Variants in EBF2 observed in about 807,000 individuals in gnomAD.
The protein encoded by EBF2 is EBF transcription factor 2, also known as transcription factor COE2.
A neutral mutation model predicts 72.8 loss-of-function variants in EBF2; 21 were observed. That is an observed-to-expected ratio of 0.29 (90% CI 0.20 to 0.42). EBF2 has a LOEUF of 0.42. Ranked by LOEUF, EBF2 falls within the 10% of genes least tolerant of loss-of-function variation. EBF2 has a pLI of 1.00. For synonymous variants in EBF2, 299 were observed against 274.2 expected (o/e 1.09, Z -0.89); for missense variants, 637 against 731.2 (o/e 0.87, Z 1.49).
chr8:25,849,770 G>C (rs1801921775), intron 15 of EBF2, among the ~76,000 whole-genome samples: 1 of 152,082 alleles, frequency 6.6e-6, no homozygotes, highest in African/African-American at 2.4e-5. Flanking sequence ...GATAACTTTT[G>C]TTCTTAGAAA....
chr8:25,939,904 A>C (rs531376595), intron 6 of EBF2, among the ~76,000 whole-genome samples: 10 of 152,212 alleles, frequency 6.6e-5, no homozygotes, highest in South Asian at 2.1e-4. Context: ...TGAAAGTATG[A>C]TACTGCTCAA....
chr8:26,010,864 G>C (rs1346243378), intron 6 of EBF2, among the ~76,000 whole-genome samples: 1 of 152,106 alleles, frequency 6.6e-6, no homozygotes, highest in African/African-American at 2.4e-5. Context: ...ATGGATACTT[G>C]AAAGATATTG....
chr8:25,846,862 TCTGCTAGGTGGAAACTGAC>T (rs1418941972), intron 15 of EBF2, among the ~76,000 whole-genome samples: 1 of 152,164 alleles, frequency 6.6e-6, no homozygotes, highest in Non-Finnish European at 1.5e-5. Context: ...AGGCCTGATC[TCTGCTAGGTGGAAACTGAC>T]TTTTTGCTTG....
intron 2 of EBF2, 44 bp from the exon 3 acceptor site, chr8:26,041,046 C>A (rs776502695): frequency 6.2e-7 from 1 of 1,608,718 alleles, no homozygotes; most frequent in South Asian, 1.1e-5. Context: ...TTTCAGCCCC[C>A]CAAAATGAGG....
rs141266303 is a variant in EBF2 at position 25,885,075 on chromosome 8, A to G, written c.1009+1680T>C. Among the ~76,000 whole-genome samples, 199 of 152,184 alleles carry G rather than the reference A, an allele frequency of 1.3e-3. 2 individuals carry two copies. Among genetic ancestry groups the G allele is most frequent in the African/African-American group, 4.6e-3 (192 of 41,536 alleles). On this transcript the variant is annotated intron_variant, in intron 10 of 15. Coordinates refer to ENST00000520164, the MANE Select transcript of EBF2 (RefSeq NM_022659.4). ...ATCTTCCTGCTTCTGGTTGTTCCTC[A>G]GTTAACTCAGTCTTTATATTAACAC... is the stretch of plus-strand genomic sequence containing the variant.
At chr8:26,016,185 C>T (rs1330419196) in intron 6 of EBF2, among the ~76,000 whole-genome samples, 3 of 152,208 alleles carry the variant, frequency 2.0e-5, no homozygotes, top group African/African-American at 7.2e-5. Context: ...ATTTTTCTCA[C>T]TCCACTTCAT....
At chr8:25,979,413 G>A (rs1804323360) in intron 6 of EBF2, among the ~76,000 whole-genome samples, 1 of 152,240 alleles carries the variant, frequency 6.6e-6, no homozygotes, top group Non-Finnish European at 1.5e-5. Context: ...CGGATCAGGA[G>A]ATGGCTGTGG....
At chr8:25,917,213 T>TTTA (rs397835694) in intron 6 of EBF2, among the ~76,000 whole-genome samples, 3 of 150,346 alleles carry the variant, frequency 2.0e-5, no homozygotes, top group East Asian at 1.9e-4. Context: ...TTTTTTTTTT[T>TTTA]ATCCCCCCTT....
intron 7 of EBF2, among the ~76,000 whole-genome samples, chr8:25,907,736 T>C (rs894350061): frequency 6.6e-6 from 1 of 152,206 alleles, no homozygotes; most frequent in African/African-American, 2.4e-5. Flanking sequence ...AACATGTTTT[T>C]AATTTTTCTA....
chr8:25,885,688 A>T (rs1393100142), intron 10 of EBF2, among the ~76,000 whole-genome samples: 1 of 152,096 alleles, frequency 6.6e-6, no homozygotes, highest in East Asian at 1.9e-4. Context: ...ATGATTTTAT[A>T]GTGGGTTCCC....
chr8:26,019,037 C>T (rs1805161777), intron 6 of EBF2, among the ~76,000 whole-genome samples: 1 of 151,542 alleles, frequency 6.6e-6, no homozygotes, highest in Admixed American at 6.6e-5. Flanking sequence ...GATAGGTATG[C>T]ATGATTTTCA....
At chr8:25,965,984 T>C (rs1364456373) in intron 6 of EBF2, among the ~76,000 whole-genome samples, 3 of 152,130 alleles carry the variant, frequency 2.0e-5, no homozygotes, top group African/African-American at 7.2e-5. Flanking sequence ...GAACAAGGAA[T>C]CTCTCACCCA....
intron 13 of EBF2, among the ~76,000 whole-genome samples, chr8:25,858,725 T>C (rs1374370931): frequency 6.9e-6 from 1 of 144,216 alleles, no homozygotes; most frequent in African/African-American, 2.6e-5. Flanking sequence ...AGTGGCACGA[T>C]CTTGGCTCAC....
chr8:25,994,479 T>C (rs1468034492), intron 6 of EBF2, among the ~76,000 whole-genome samples: 1 of 152,160 alleles, frequency 6.6e-6, no homozygotes, highest in Non-Finnish European at 1.5e-5. Context: ...GTAAAGACAC[T>C]TGGACATGTA....
chr8:25,886,093 A>G (rs774550180), intron 10 of EBF2, among the ~76,000 whole-genome samples: 3 of 151,956 alleles, frequency 2.0e-5, no homozygotes, highest in Non-Finnish European at 4.4e-5. Flanking sequence ...CTTCCTTGGC[A>G]CCTCACCCCA....
intron 6 of EBF2, among the ~76,000 whole-genome samples, chr8:26,019,537 C>G (rs576049682): frequency 6.6e-6 from 1 of 152,306 alleles, no homozygotes; most frequent in Admixed American, 6.5e-5. Flanking sequence ...CAGAATCCAA[C>G]AGATCATTGG....
intron 6 of EBF2, among the ~76,000 whole-genome samples, chr8:25,998,920 C>G (rs1804678232): frequency 6.6e-6 from 1 of 152,140 alleles, no homozygotes; most frequent in Non-Finnish European, 1.5e-5. Flanking sequence ...TTTGAATAAA[C>G]AAATTTCGGG....
At position 25,861,037 on chromosome 8, in the gene EBF2, G is replaced by C; in HGVS notation, c.1342+12C>G. On this transcript the variant is annotated intron_variant, in intron 13 of 15. Transcript: ENST00000520164. ...AGACATATTTGGATTTTGACTCTAA[G>C]AAAGGTGGTACCTTGATTATTTCCT... 1.9e-6 allele frequency: 3 copies of C among 1,614,084 alleles called. No homozygotes were observed. Among genetic ancestry groups the C allele is most frequent in the Non-Finnish European group, 2.5e-6 (3 of 1,180,002 alleles).
intron 6 of EBF2, among the ~76,000 whole-genome samples, chr8:26,025,446 A>T (rs1805288185): frequency 6.6e-6 from 1 of 152,162 alleles, no homozygotes; most frequent in South Asian, 2.1e-4. Context: ...TGATGGAACG[A>T]GCCCATTTAT....
Sources: gnomAD v4.1 joint callset for allele counts (sites outside exome capture counted in the v4.1 genomes callset) on GRCh38, gnomAD v4.1.1 for gene constraint, MANE v1.5 for transcripts, NCBI Gene and HGNC (gene_info 2026-07-23, HGNC 2026-07-21) for gene names.